Variants in CFAP69 observed in about 807,000 individuals in gnomAD.
The protein encoded by CFAP69 is cilia- and flagella-associated protein 69.
Under a neutral mutation model 123.0 loss-of-function variants are expected in CFAP69, and 92 were observed. That is an observed-to-expected ratio of 0.75 (90% CI 0.63 to 0.89). CFAP69 has a LOEUF of 0.89. Ranked by LOEUF, CFAP69 falls within the 40% of genes least tolerant of loss-of-function variation. The pLI, the probability that CFAP69 is intolerant of heterozygous loss-of-function variation, is 0.00. For missense variants in CFAP69, 1,067 were observed against 1,096.9 expected (o/e 0.97, Z 0.39); for synonymous variants, 380 against 364.3 (o/e 1.04, Z -0.49).
In CFAP69 at chr7:90,274,111, G is replaced by T. The variant is rs1402167703; in HGVS notation, c.984+1G>T. On this transcript the variant is annotated splice_donor_variant, in intron 9 of 22. Coordinates refer to ENST00000389297, the MANE Select transcript of CFAP69 (RefSeq NM_001039706.3). LOFTEE classifies it high-confidence loss of function. ...TCAAAATCCTGAAGCACCAATGATT[G>T]TAAGTATGAATCAAATTGCATTAAT... The T allele has an allele frequency of 6.3e-7, 1 of 1,594,404 alleles. No homozygotes were observed. The highest frequency in any genetic ancestry group is 1.2e-5 in the South Asian group (1 of 86,482).
intron 11 of CFAP69, among the ~76,000 whole-genome samples, chr7:90,279,024 TG>T (rs1789030709): frequency 6.6e-6 from 1 of 152,186 alleles, no homozygotes; most frequent in South Asian, 2.1e-4. Context: ...CAGAATCAGC[TG>T]TATTAATTCT....
intron 13 of CFAP69, among the ~76,000 whole-genome samples, chr7:90,284,760 G>A (rs894763615): frequency 6.6e-6 from 1 of 152,140 alleles, no homozygotes; most frequent in African/African-American, 2.4e-5. Context: ...AAATATGCAT[G>A]GTGATGTGTT....
chr7:90,279,895 T>C lies in CFAP69; in HGVS notation c.1372+2T>C. On this transcript the variant is annotated splice_donor_variant, in intron 12 of 22. Transcript: ENST00000389297. LOFTEE classifies it high-confidence loss of function. ...TTCTAGAATGGTGTGAGAGTGAAGG[T>C]GAGTGGCCCTTCAAGATTCTTGTCA... 3 of 1,563,428 alleles carry C rather than the reference T, an allele frequency of 1.9e-6. No homozygotes were observed. Among genetic ancestry groups the C allele is most frequent in the Non-Finnish European group, 2.6e-6 (3 of 1,158,440 alleles).
At chr7:90,263,256 T>C (rs1041335581) in intron 4 of CFAP69, among the ~76,000 whole-genome samples, 1 of 152,144 alleles carries the variant, frequency 6.6e-6, no homozygotes, top group East Asian at 1.9e-4. Context: ...ATTATTCACA[T>C]TGTTAATTTT....
chr7:90,256,523 TAA>T (rs563875319), intron 2 of CFAP69, among the ~76,000 whole-genome samples: 4 of 128,218 alleles, frequency 3.1e-5, no homozygotes, highest in Non-Finnish European at 3.4e-5. Flanking sequence ...ACTTAAAGTA[TAA>T]AAAAAAAAAA....
chr7:90,288,393 T>C lies in CFAP69; in HGVS notation c.1775+41T>C, dbSNP rs757580084. ...ATCAAATTAGGTAGACTCACAGCAG[T>C]CATGCATCACTTTACAACAGTGAGG... On this transcript the variant is annotated intron_variant, in intron 15 of 22. Transcript: ENST00000389297. The C allele has an allele frequency of 2.7e-5, 43 of 1,590,266 alleles. No individual in the cohort carries two copies. The Admixed American group carries it at 3.6e-4, about 13-fold the overall frequency.
At chr7:90,313,202 C>G (rs1794471294), downstream of CFAP69, among the ~76,000 whole-genome samples, 1 of 152,146 alleles carries the variant, frequency 6.6e-6, no homozygotes, top group African/African-American at 2.4e-5. Context: ...ATCTGAAGTG[C>G]TACAATTTGT....
Position 90,299,421 on chromosome 7 carries a change from A to G in CFAP69, c.1858-446A>G, listed in dbSNP as rs538575184. 1.4e-4 allele frequency among the ~76,000 whole-genome samples: 21 copies of G among 152,278 alleles called. No homozygotes were observed. In the South Asian group the frequency reaches 2.3e-3, roughly 17 times the overall value. ...ATTTTCATATGTGATTGTCATTTGC[A>G]GTTACCATCAGTTACTCTCTTAATA... On this transcript the variant is annotated intron_variant, in intron 16 of 22. Transcript: ENST00000389297.
chr7:90,245,301 C>T lies in CFAP69; in HGVS notation c.-124C>T. ...CCCCTGGCGGAATTTTGGGACCTTT[C>T]GCGACTCTAGCGACTCTCAGGCTGC... On this transcript the variant is annotated 5_prime_UTR_variant, in exon 1 of 23. Transcript: ENST00000389297. The T allele has an allele frequency of 7.5e-7, 1 of 1,333,986 alleles. No individual in the cohort carries two copies. The highest frequency in any genetic ancestry group is 9.7e-7 in the Non-Finnish European group (1 of 1,028,666). 82.6% of individuals were successfully genotyped at this position (1,333,986 alleles called of 1,614,324 possible). A position where few individuals can be genotyped will look rare whatever the true frequency, so the allele number is the denominator to read the frequency against.
chr7:90,255,444 C>T lies in CFAP69; in HGVS notation c.142C>T (p.Leu48Phe), dbSNP rs1264703455. 6.2e-7 allele frequency: 1 copy of T among 1,612,614 alleles called. No individual in the cohort carries two copies. The highest frequency in any genetic ancestry group is 1.1e-5 in the South Asian group (1 of 90,998). Residue 48 changes from leucine (L) to phenylalanine (F), a missense_variant, in exon 2 of 23, where the codon CTT becomes TTT. Transcript: ENST00000389297. Reference sequence around the variant, plus strand: ...TTAGGATGTTTTCAAGCCTATGGACCTTAATCGTGTCATCAAACTCCTCGA... The same window carrying T: ...TTAGGATGTTTTCAAGCCTATGGACTTTAATCGTGTCATCAAACTCCTCGA... ...EAQDVFKPMD[L>F]NRVIKLLEET...
At chr7:90,280,650 C>A (rs1224241134) in intron 12 of CFAP69, among the ~76,000 whole-genome samples, 1 of 152,192 alleles carries the variant, frequency 6.6e-6, no homozygotes, top group Non-Finnish European at 1.5e-5. Flanking sequence ...AGATCTCTAG[C>A]CAGAAGTAAT....
At position 90,295,661 on chromosome 7, in the gene CFAP69, C is replaced by A. The variant is rs10247574; in HGVS notation, c.1776-2088C>A. On this transcript the variant is annotated intron_variant, in intron 15 of 22. Coordinates refer to ENST00000389297, the MANE Select transcript of CFAP69 (RefSeq NM_001039706.3). ...CCCAAGGGAAGGTTCTTGGATCAGG[C>A]GCAGAAAATAATTCAGGGTGAGTCC... 5.9e-3 allele frequency among the ~76,000 whole-genome samples: 894 copies of A among 152,126 alleles called. 15 individuals are homozygous for A. Among genetic ancestry groups the A allele is most frequent in the African/African-American group, 0.02 (845 of 41,494 alleles).
chr7:90,260,908 T>C (rs1415508689), intron 3 of CFAP69, among the ~76,000 whole-genome samples: 1 of 152,148 alleles, frequency 6.6e-6, no homozygotes, highest in Non-Finnish European at 1.5e-5. Context: ...GTCACTTCTC[T>C]AGGAAGTTAA....
At chr7:90,283,729 G>A (rs1329397989) in intron 13 of CFAP69, among the ~76,000 whole-genome samples, 1 of 152,026 alleles carries the variant, frequency 6.6e-6, no homozygotes, top group Non-Finnish European at 1.5e-5. Context: ...ACTTTGAAAA[G>A]AGCTATTTCA....
chr7:90,288,137 T>C, intron 14 of CFAP69, 97 bp from the exon 15 acceptor site: 2 of 870,338 alleles, frequency 2.3e-6, no homozygotes, highest in Non-Finnish European at 3.5e-6. Flanking sequence ...GCTGTATTTC[T>C]CTGGTAAAAA....
At chr7:90,321,728 C>T in the CFAP69 span, among the ~76,000 whole-genome samples, 264 of 152,296 alleles carry the variant, frequency 1.7e-3, no homozygotes, top group Middle Eastern at 3.4e-3. Context: ...TAGCTAAACA[C>T]AGTTTATTAT....
chr7:90,285,989 G>T (rs960009885), intron 13 of CFAP69, among the ~76,000 whole-genome samples: 1 of 152,100 alleles, frequency 6.6e-6, no homozygotes, highest in Non-Finnish European at 1.5e-5. Flanking sequence ...ACTATGCAAT[G>T]AAAATATCCT....
chr7:90,297,226 T>C (rs17867087), intron 15 of CFAP69, among the ~76,000 whole-genome samples: 3,000 of 152,300 alleles, frequency 0.02, 98 homozygotes, highest in East Asian at 0.11. Context: ...TGTTTTAACG[T>C]TAATACTCAC....
chr7:90,321,953 G>A, the CFAP69 span, among the ~76,000 whole-genome samples: 1 of 152,158 alleles, frequency 6.6e-6, no homozygotes, highest in Admixed American at 6.5e-5. Context: ...ATCAGATGGG[G>A]CTAGGGAAAT....
Sources: allele counts gnomAD v4.1 joint callset (sites outside exome capture counted in the v4.1 genomes callset), GRCh38; gene constraint gnomAD v4.1.1; transcripts MANE v1.5; gene names NCBI Gene and HGNC (gene_info 2026-07-23, HGNC 2026-07-21).